Variants in KLRG1 observed in about 807,000 individuals in gnomAD.
KLRG1 encodes killer cell lectin-like receptor subfamily G member 1.
Under a neutral mutation model 21.8 loss-of-function variants are expected in KLRG1, and 16 were observed. That is an observed-to-expected ratio of 0.73 (90% CI 0.50 to 1.11). KLRG1 has a LOEUF of 1.11. Ranked by LOEUF, KLRG1 falls within the 50% of genes most tolerant of loss-of-function variation. The pLI is 0.00. For missense variants in KLRG1, 173 were observed against 218.3 expected (o/e 0.79, Z 1.31); for synonymous variants, 69 against 75.9 (o/e 0.91, Z 0.47).
At chr12:9,210,027 C>T in the KLRG1 span, among the ~76,000 whole-genome samples, 12 of 152,130 alleles carry the variant, frequency 7.9e-5, no homozygotes, top group Middle Eastern at 3.4e-3. Context: ...GCTACAAATA[C>T]GGTATGTCTA....
At position 9,010,272 on chromosome 12, in the gene KLRG1, C is replaced by T; in HGVS notation, c.*735C>T. On this transcript the variant is annotated 3_prime_UTR_variant, in exon 5 of 5. Coordinates refer to ENST00000356986, the MANE Select transcript of KLRG1 (RefSeq NM_005810.4). ...TGGTACTTCCTCCTTCTGAGCTCTTCACACGTAATGCAAAAACCCGGTCTT... is the reference window on the plus strand; with the variant it reads ...TGGTACTTCCTCCTTCTGAGCTCTTTACACGTAATGCAAAAACCCGGTCTT... The T allele has an allele frequency of 2.3e-6, 1 of 431,992 alleles. No individual in the cohort carries two copies. The allele number at this position is 431,992 out of a possible 1,614,324, so 26.8% of individuals were successfully genotyped here.
chr12:9,002,616 G>T (rs1947338217), intron 3 of KLRG1, among the ~76,000 whole-genome samples: 1 of 151,894 alleles, frequency 6.6e-6, no homozygotes, highest in Non-Finnish European at 1.5e-5. Flanking sequence ...ACCCAGGCTG[G>T]AGTGCAATGG....
At chr12:9,165,989 G>T in the KLRG1 span, 7 of 1,528,142 alleles carry the variant, frequency 4.6e-6, no homozygotes, top group Non-Finnish European at 6.2e-6. Flanking sequence ...TCTTAGAATT[G>T]AAAATGTTGG....
At chr12:9,006,365 A>C (rs575611797) in intron 3 of KLRG1, among the ~76,000 whole-genome samples, 2 of 152,218 alleles carry the variant, frequency 1.3e-5, no homozygotes, top group Non-Finnish European at 2.9e-5. Flanking sequence ...ACAGCCATGT[A>C]GAAATCTCGG....
intron 1 of KLRG1, among the ~76,000 whole-genome samples, chr12:8,953,349 T>C (rs1183633196): frequency 6.6e-6 from 1 of 152,140 alleles, no homozygotes; most frequent in African/African-American, 2.4e-5. Context: ...GATTGGTTTG[T>C]GAGTATGCAA....
chr12:9,201,198 G>A, the KLRG1 span: 2 of 1,347,026 alleles, frequency 1.5e-6, no homozygotes, highest in Middle Eastern at 1.9e-4. Context: ...CAATCAACCT[G>A]ACAACTGGGA....
chr12:9,027,550 A>AGCT, the KLRG1 span: 14 of 1,115,174 alleles, frequency 1.3e-5, no homozygotes, highest in Non-Finnish European at 1.7e-5. Flanking sequence ...CCACTGCCAT[A>AGCT]GCTGCTGCTG....
At chr12:9,144,316 T>C in the KLRG1 span, among the ~76,000 whole-genome samples, 3 of 151,886 alleles carry the variant, frequency 2.0e-5, no homozygotes, top group African/African-American at 7.3e-5. Flanking sequence ...CACTGGAGAG[T>C]AGCCCCAGCC....
chr12:9,158,839 T>C, the KLRG1 span, among the ~76,000 whole-genome samples: 1 of 149,862 alleles, frequency 6.7e-6, no homozygotes, highest in Non-Finnish European at 1.5e-5. Context: ...TCTATGCCAC[T>C]TCAGAGGTTC....
intron 3 of KLRG1, among the ~76,000 whole-genome samples, chr12:9,001,159 CAT>C (rs1304533226): frequency 6.6e-6 from 1 of 152,116 alleles, no homozygotes; most frequent in African/African-American, 2.4e-5. Context: ...AATCTTGAGA[CAT>C]GTTTTCAAGT....
At chr12:9,136,508 C>A in the KLRG1 span, among the ~76,000 whole-genome samples, 1 of 151,946 alleles carries the variant, frequency 6.6e-6, no homozygotes, top group African/African-American at 2.4e-5. Flanking sequence ...AGGCAATATT[C>A]CATTGTGCAT....
At chr12:9,125,251 G>C in the KLRG1 span, among the ~76,000 whole-genome samples, 1 of 152,206 alleles carries the variant, frequency 6.6e-6, no homozygotes, top group Admixed American at 6.5e-5. Flanking sequence ...CCTCTGAGCT[G>C]TTCTAAAATT....
chr12:9,048,058 G>T, the KLRG1 span, among the ~76,000 whole-genome samples: 2 of 152,052 alleles, frequency 1.3e-5, no homozygotes, highest in African/African-American at 4.8e-5. Flanking sequence ...TCCAACAACA[G>T]TAGAATACAC....
chr12:9,184,057 G>GA, the KLRG1 span, among the ~76,000 whole-genome samples: 1 of 151,962 alleles, frequency 6.6e-6, no homozygotes, highest in Non-Finnish European at 1.5e-5. Context: ...CATAAAACCA[G>GA]AAAAAAAATT....
the KLRG1 span, among the ~76,000 whole-genome samples, chr12:9,092,509 A>C: frequency 6.6e-6 from 1 of 151,940 alleles, no homozygotes; most frequent in African/African-American, 2.4e-5. Flanking sequence ...TGCATCTGGG[A>C]GTGAAAGGGA....
At chr12:9,012,096 GC>G (rs748532843), downstream of KLRG1, among the ~76,000 whole-genome samples, 110 of 152,312 alleles carry the variant, frequency 7.2e-4, no homozygotes, top group African/African-American at 2.6e-3. Context: ...TAGGCTCAGA[GC>G]CAGTGGACTT....
the KLRG1 span, among the ~76,000 whole-genome samples, chr12:9,163,452 C>CA: frequency 2.9e-4 from 40 of 136,420 alleles, no homozygotes; most frequent in South Asian, 4.6e-4. Flanking sequence ...AACTCCGTCT[C>CA]AAAAAAAAAA....
At chr12:9,166,006 C>A in the KLRG1 span, 1 of 1,557,858 alleles carries the variant, frequency 6.4e-7, no homozygotes, top group Admixed American at 2.1e-5. Flanking sequence ...TTGGAGGAAC[C>A]ACATTCCCTC....
At chr12:9,157,638 C>T in the KLRG1 span, 3 of 840,798 alleles carry the variant, frequency 3.6e-6, no homozygotes, top group Admixed American at 2.4e-5. Context: ...AACCAAAGAG[C>T]TTATCAGTCT....
Sources: allele counts gnomAD v4.1 joint callset (sites outside exome capture counted in the v4.1 genomes callset), GRCh38; gene constraint gnomAD v4.1.1; transcripts MANE v1.5; gene names NCBI Gene and HGNC (gene_info 2026-07-23, HGNC 2026-07-21).